The following TENM3 variants were observed in gnomAD, a reference collection of about 807,000 sequenced individuals.
TENM3 encodes teneurin-3.
Under a neutral mutation model 255.1 loss-of-function variants are expected in TENM3, and 63 were observed. That is an observed-to-expected ratio of 0.25 (90% confidence interval 0.20 to 0.30). The LOEUF is 0.30. Among genes scored for constraint, TENM3 ranks in the 10% least tolerant of loss-of-function variants. The pLI is 1.00. For missense variants in TENM3, 2,929 were observed against 3,461.1 expected (o/e 0.85, Z 3.86); for synonymous variants, 1,306 against 1,322.3 (o/e 0.99, Z 0.27).
the TENM3 span, among the ~76,000 whole-genome samples, chr4:181,661,871 C>T: frequency 6.6e-6 from 1 of 150,968 alleles, no homozygotes; most frequent in South Asian, 2.1e-4. Flanking sequence ...CCAAAAGGTC[C>T]ACATTTGGCA....
chr4:182,665,811 G>A (rs1433250355), intron 6 of TENM3, among the ~76,000 whole-genome samples: 3 of 152,120 alleles, frequency 2.0e-5, no homozygotes, highest in Non-Finnish European at 4.4e-5. Context: ...CAGGAGAATG[G>A]CATGAACCCG....
rs545901141 is a variant in TENM3, at chr4:182,668,794, C to T, written c.1112-4211C>T. 4.3e-4 allele frequency among the ~76,000 whole-genome samples: 65 copies of T among 152,220 alleles called. 1 individual carries two copies. The highest frequency in any genetic ancestry group is 6.8e-3 in the Middle Eastern group (2 of 294). On this transcript the variant is annotated intron_variant, in intron 6 of 27. Coordinates refer to ENST00000511685, the MANE Select transcript of TENM3 (RefSeq NM_001080477.4). ...TTAAATGCCTTTGACATAGTGAAAC[C>T]GGAAACCCTAGAAATCAGAACTTGG...
chr4:182,651,056 G>A (rs926412309), intron 5 of TENM3, among the ~76,000 whole-genome samples: 3 of 151,908 alleles, frequency 2.0e-5, no homozygotes, highest in Non-Finnish European at 4.4e-5. Context: ...CATTAAAACC[G>A]ATAATGTGAG....
chr4:182,667,240 G>C (rs1182136840), intron 6 of TENM3, among the ~76,000 whole-genome samples: 2 of 152,138 alleles, frequency 1.3e-5, no homozygotes, highest in Non-Finnish European at 2.9e-5. Context: ...GCCCAGGCTA[G>C]AGTGCAGTGG....
chr4:181,763,808 G>C, the TENM3 span, among the ~76,000 whole-genome samples: 2,151 of 152,198 alleles, frequency 0.014, 57 homozygotes, highest in African/African-American at 0.049. Flanking sequence ...GGCAAAATCA[G>C]GTTACTGTTT....
the TENM3 span, among the ~76,000 whole-genome samples, chr4:181,746,838 G>A: frequency 6.6e-6 from 1 of 151,364 alleles, no homozygotes; most frequent in Non-Finnish European, 1.5e-5. Context: ...TATATTATTA[G>A]CTCAGAGATA....
chr4:181,648,482 A>G, the TENM3 span, among the ~76,000 whole-genome samples: 1 of 152,180 alleles, frequency 6.6e-6, no homozygotes, highest in Non-Finnish European at 1.5e-5. Flanking sequence ...ACAACAAGCA[A>G]CAAAACAGAA....
intron 3 of TENM3, among the ~76,000 whole-genome samples, chr4:182,473,400 G>GC (rs1733329883): frequency 6.6e-6 from 1 of 152,186 alleles, no homozygotes; most frequent in Non-Finnish European, 1.5e-5. Context: ...CTGGCCGGGT[G>GC]CCGTGGCTCA....
chr4:182,491,598 G>C (rs531498842), intron 3 of TENM3, among the ~76,000 whole-genome samples: 1 of 152,076 alleles, frequency 6.6e-6, no homozygotes, highest in Non-Finnish European at 1.5e-5. Context: ...GAAGGATTGC[G>C]TTGAAATTCT....
intron 3 of TENM3, among the ~76,000 whole-genome samples, chr4:182,568,206 C>A (rs1417816880): frequency 2.0e-5 from 3 of 152,204 alleles, no homozygotes; most frequent in East Asian, 3.9e-4. Flanking sequence ...TATTGTCTAT[C>A]ACCTGGCTTA....
At chr4:182,474,911 G>T (rs1289309819) in intron 3 of TENM3, among the ~76,000 whole-genome samples, 4 of 152,012 alleles carry the variant, frequency 2.6e-5, no homozygotes, top group Non-Finnish European at 4.4e-5. Context: ...TAATGCTGTT[G>T]TCCTCTTGTG....
intron 3 of TENM3, among the ~76,000 whole-genome samples, chr4:182,580,563 C>G (rs887772948): frequency 2.0e-5 from 3 of 151,954 alleles, no homozygotes; most frequent in Non-Finnish European, 4.4e-5. Context: ...CCCTTTTTGA[C>G]AGCTCCATTA....
chr4:181,584,376 C>T, the TENM3 span, among the ~76,000 whole-genome samples: 1 of 152,168 alleles, frequency 6.6e-6, no homozygotes, highest in Non-Finnish European at 1.5e-5. Context: ...ATTTAGTCCT[C>T]TTACCTAACT....
intron 24 of TENM3, among the ~76,000 whole-genome samples, chr4:182,779,308 T>C (rs1764977028): frequency 6.6e-6 from 1 of 151,780 alleles, no homozygotes; most frequent in South Asian, 2.1e-4. Flanking sequence ...ATATACGGTG[T>C]TTGGTTTTTT....
the TENM3 span, among the ~76,000 whole-genome samples, chr4:181,716,935 T>G: frequency 1.1e-4 from 16 of 152,204 alleles, no homozygotes; most frequent in Non-Finnish European, 1.5e-5. Flanking sequence ...AGAATATTTC[T>G]TTCGGTTTGG....
At chr4:181,910,545 A>T in the TENM3 span, among the ~76,000 whole-genome samples, 76 of 138,654 alleles carry the variant, frequency 5.5e-4, no homozygotes, top group Non-Finnish European at 9.6e-4. Context: ...CTCAAAAAAA[A>T]AAAAAGTGTA....
At chr4:182,001,224 G>A in the TENM3 span, among the ~76,000 whole-genome samples, 1,079 of 151,570 alleles carry the variant, frequency 7.1e-3, 12 homozygotes, top group African/African-American at 0.024. Flanking sequence ...TAGCTTAATG[G>A]GTCTTGGTGT....
At chr4:181,553,685 C>CAG in the TENM3 span, among the ~76,000 whole-genome samples, 10 of 152,100 alleles carry the variant, frequency 6.6e-5, no homozygotes, top group African/African-American at 1.9e-4. Flanking sequence ...TCGTGATCTG[C>CAG]CCGCCTCGGC....
the TENM3 span, among the ~76,000 whole-genome samples, chr4:182,080,887 A>T: frequency 1.3e-5 from 2 of 152,020 alleles, no homozygotes; most frequent in African/African-American, 2.4e-5. Context: ...GCTACTCAGG[A>T]GGTTGAAGCA....
Sources: gnomAD v4.1 joint callset for allele counts (sites outside exome capture counted in the v4.1 genomes callset) on GRCh38, gnomAD v4.1.1 for gene constraint, MANE v1.5 for transcripts, NCBI Gene and HGNC (gene_info 2026-07-23, HGNC 2026-07-21) for gene names.